Variants in EHD3 observed in about 807,000 individuals in gnomAD.
EHD3 encodes the protein EH domain containing 3.
Under a neutral mutation model 43.0 loss-of-function variants are expected in EHD3, and 17 were observed. The observed-to-expected ratio is 0.40, with a 90% CI of 0.27 to 0.59. The LOEUF (loss-of-function observed/expected upper bound fraction) is 0.59. Among genes scored for constraint, EHD3 ranks in the 20% least tolerant of loss-of-function variants. The pLI is 0.49. For synonymous variants in EHD3, 313 were observed against 289.5 expected (o/e 1.08, Z -0.82); for missense variants, 594 against 705.6 (o/e 0.84, Z 1.79).
At chr2:31,245,595 C>G (rs1409869635) in intron 2 of EHD3, among the ~76,000 whole-genome samples, 1 of 121,952 alleles carries the variant, frequency 8.2e-6, no homozygotes, top group Non-Finnish European at 1.6e-5. Flanking sequence ...GAGTTTCACT[C>G]TTGTTGCCCA....
In EHD3 at chr2:31,266,514, G is replaced by A. The variant is rs200504962; in HGVS notation, c.1418G>A (p.Arg473His). 4.6e-5 allele frequency: 75 copies of A among 1,614,000 alleles called. No homozygotes were observed. Among genetic ancestry groups the A allele is most frequent in the Non-Finnish European group, 5.2e-5 (61 of 1,180,038 alleles). The change falls in exon 6 of 6, where the codon CGC (arginine) becomes CAC (histidine). Residue 473 changes from arginine to histidine, a missense_variant. By Grantham distance (29) the Arg-to-His change is conservative (BLOSUM62 0). This residue lies in a region of EHD3 where 322 missense variants were observed against 348.0 expected (regional missense o/e 0.93). Coordinates refer to ENST00000322054, the MANE Select transcript of EHD3 (RefSeq NM_014600.3). This position sits in a 1 kb window ranked among gnomAD's most constrained non-coding sequence, Gnocchi z 5.1. Reference sequence around the variant, plus strand: ...GCTAATGCCAAGAAGGAGATGGTGCGCTCCAAGCTGCCCAACAGTGTGCTG... The same window carrying A: ...GCTAATGCCAAGAAGGAGATGGTGCACTCCAAGCTGCCCAACAGTGTGCTG... The part of the protein sequence containing the change: ...TGANAKKEMV[R>H]SKLPNSVLGK...
At chr2:31,234,983 G>C in intron 1 of EHD3, 135 bp downstream of exon 1, 1 of 837,592 alleles carries the variant, frequency 1.2e-6, no homozygotes, top group Non-Finnish European at 1.8e-6. Context: ...ATCTGTGTTT[G>C]TGCAGGCGTC....
chr2:31,249,312 A>G (rs1303284026), intron 2 of EHD3, 59 bp from the exon 3 acceptor site: 3 of 1,495,428 alleles, frequency 2.0e-6, no homozygotes, highest in Non-Finnish European at 2.8e-6. Context: ...GGTTGGAGTC[A>G]TGCGGCTAGG....
chr2:31,264,507 ATAAAT>A, intron 5 of EHD3, among the ~76,000 whole-genome samples: 1 of 150,022 alleles, frequency 6.7e-6, no homozygotes, highest in East Asian at 2.0e-4. Flanking sequence ...TTCTTCAATA[ATAAAT>A]TAACATTTCT....
Position 31,260,460 on chromosome 2 carries a change from C to T in EHD3, c.503-50C>T, listed in dbSNP as rs1225235573. Reference sequence around the variant, plus strand: ...CACACCCGACTGCTTCTCCAAACCCCTACCCTATACCCCAAAGGCCCCAGC... The same window carrying T: ...CACACCCGACTGCTTCTCCAAACCCTTACCCTATACCCCAAAGGCCCCAGC... On this transcript the variant is annotated intron_variant, in intron 3 of 5. Coordinates refer to ENST00000322054, the MANE Select transcript of EHD3 (RefSeq NM_014600.3). This position sits in a 1 kb window ranked among gnomAD's most constrained non-coding sequence, Gnocchi z 4.6. 1 of 1,540,418 alleles carries T rather than the reference C, an allele frequency of 6.5e-7. No homozygotes were observed. Among genetic ancestry groups the T allele is most frequent in the African/African-American group, 1.4e-5 (1 of 73,044 alleles).
rs585440 is a variant in EHD3 at position 31,257,264 on chromosome 2, A to T, written c.503-3246A>T. Among the ~76,000 whole-genome samples, 5 of 152,164 alleles carry T rather than the reference A, an allele frequency of 3.3e-5. No homozygotes were observed. In the Middle Eastern group the frequency reaches 0.017, roughly 521 times the overall value. Reference sequence around the variant, plus strand: ...GGGACTGCCTTTGGGAGGTGACAGCAGCCTTGCCATGCGCTGTGCTGAAGG... The same window carrying T: ...GGGACTGCCTTTGGGAGGTGACAGCTGCCTTGCCATGCGCTGTGCTGAAGG... On this transcript the variant is annotated intron_variant, in intron 3 of 5. Transcript: ENST00000322054.
Position 31,260,862 on chromosome 2 carries a change from G to T in EHD3, c.855G>T (p.Leu285=). 6.2e-7 allele frequency: 1 copy of T among 1,614,066 alleles called. No individual in the cohort carries two copies. Among genetic ancestry groups the T allele is most frequent in the Non-Finnish European group, 8.5e-7 (1 of 1,179,986 alleles). ...ACCTATTCAGGGACATCCAGAGTCT[G>T]CCCCGAAATGCTGCCCTGCGCAAGC... ...EQDLFRDIQS[L]PRNAALRKLN... The change falls in exon 4 of 6, where the codon CTG becomes CTT. Residue 285 remains leucine (L), a synonymous_variant. Transcript: ENST00000322054. This position sits in a 1 kb window ranked among gnomAD's most constrained non-coding sequence, Gnocchi z 4.6.
chr2:31,238,351 C>T (rs1004811678), intron 1 of EHD3, among the ~76,000 whole-genome samples: 1 of 152,234 alleles, frequency 6.6e-6, no homozygotes, highest in Non-Finnish European at 1.5e-5. Flanking sequence ...CAGTTCTTGG[C>T]GTTTTGCCCC....
rs1431299007 is a variant in EHD3 at position 31,268,177 on chromosome 2, T to C, written c.*1473T>C. The C allele has an allele frequency of 1.3e-5, 2 of 152,664 alleles. No homozygotes were observed. The highest frequency in any genetic ancestry group is 6.5e-5 in the Admixed American group (1 of 15,276). The allele number at this position is 152,664 out of a possible 1,614,324, so 9.5% of individuals were successfully genotyped here. ...CCCCACTGTACTCAATGCCCTACAT[T>C]CTCTTCTGTGGTCTCTCCCCTGGCT... On this transcript the variant is annotated 3_prime_UTR_variant, in exon 6 of 6. Coordinates refer to ENST00000322054, the MANE Select transcript of EHD3 (RefSeq NM_014600.3).
At position 31,267,512 on chromosome 2, in the gene EHD3, A is replaced by G. The variant is rs781180631; in HGVS notation, c.*808A>G. On this transcript the variant is annotated 3_prime_UTR_variant, in exon 6 of 6. Transcript: ENST00000322054. ...CACATTTACCCAGCCCCTCCTGCGT[A>G]CCAGGAGCTGTGTTAGGCACTTTAT... 3 of 152,618 alleles carry G rather than the reference A, an allele frequency of 2.0e-5. No homozygotes were observed. The highest frequency in any genetic ancestry group is 2.9e-5 in the Non-Finnish European group (2 of 68,044). The allele number at this position is 152,618 out of a possible 1,614,324, so 9.5% of individuals were successfully genotyped here.
Position 31,266,761 on chromosome 2 carries a change from TACACACACACAC to T in EHD3, c.*79_*90del, listed in dbSNP as rs67643147. The T allele has an allele frequency of 8.6e-5, 101 of 1,179,224 alleles. No individual in the cohort carries two copies. The highest frequency in any genetic ancestry group is 1.8e-4 in the African/African-American group (11 of 61,514). The allele number at this position is 1,179,224 out of a possible 1,614,324, so 73.0% of individuals were successfully genotyped here. A position where few individuals can be genotyped will look rare whatever the true frequency, so the allele number is the denominator to read the frequency against. On this transcript the variant is annotated 3_prime_UTR_variant, in exon 6 of 6. Transcript: ENST00000322054. This position sits in a 1 kb window ranked among gnomAD's most constrained non-coding sequence, Gnocchi z 5.1. ...TAGAGGAGGAGATGGGAGCGGTGAC[TACACACACACAC>T]ACACACACACACACACACACAAACA...
In EHD3 at chr2:31,234,588, T is replaced by C. The variant is rs539844615; in HGVS notation, c.-34T>C. 1.7e-5 allele frequency: 28 copies of C among 1,608,710 alleles called. No homozygotes were observed. The East Asian group carries it at 5.6e-4, about 32-fold the overall frequency. On this transcript the variant is annotated 5_prime_UTR_variant, in exon 1 of 6. Coordinates refer to ENST00000322054, the MANE Select transcript of EHD3 (RefSeq NM_014600.3). Reference sequence around the variant, plus strand: ...CTTCCCCTGAGGAGGAGTCTTCCCCTGGGGCTGCGTGCCGGGGGCGAGCGG... The same window carrying C: ...CTTCCCCTGAGGAGGAGTCTTCCCCCGGGGCTGCGTGCCGGGGGCGAGCGG...
chr2:31,266,150 C>A lies in EHD3; in HGVS notation c.1081-27C>A, dbSNP rs1455337340. 6.3e-7 allele frequency: 1 copy of A among 1,589,112 alleles called. No homozygotes were observed. The highest frequency in any genetic ancestry group is 1.7e-5 in the Admixed American group (1 of 58,466). Reference sequence around the variant, plus strand: ...GGGCTCTCCTTTCATCGTATCCTATCTTCATCCTCTCTCCTCCTCTTCCCA... The same window carrying A: ...GGGCTCTCCTTTCATCGTATCCTATATTCATCCTCTCTCCTCCTCTTCCCA... On this transcript the variant is annotated intron_variant, in intron 5 of 5. Coordinates refer to ENST00000322054, the MANE Select transcript of EHD3 (RefSeq NM_014600.3). This position sits in a 1 kb window ranked among gnomAD's most constrained non-coding sequence, Gnocchi z 5.1.
Position 31,234,546 on chromosome 2 carries a change from C to A in EHD3, c.-76C>A. 6.5e-7 allele frequency: 1 copy of A among 1,529,980 alleles called. No individual in the cohort carries two copies. Among genetic ancestry groups the A allele is most frequent in the Non-Finnish European group, 8.9e-7 (1 of 1,124,306 alleles). 94.8% of individuals were successfully genotyped at this position (1,529,980 alleles called of 1,614,324 possible). On this transcript the variant is annotated 5_prime_UTR_variant, in exon 1 of 6. Coordinates refer to ENST00000322054, the MANE Select transcript of EHD3 (RefSeq NM_014600.3). ...GCGGCGCGGCTCGGAGCCCGGCGGA[C>A]CGGTCCTACGGGACATCTTCCCCTG...
chr2:31,249,504 T>C (rs756898315), intron 3 of EHD3, 36 bp downstream of exon 3: 2 of 1,596,552 alleles, frequency 1.3e-6, no homozygotes, highest in African/African-American at 2.7e-5. Context: ...GGCTGTGGGC[T>C]CCATGGTTCT....
intron 5 of EHD3, among the ~76,000 whole-genome samples, chr2:31,263,819 G>C (rs973757641): frequency 1.3e-5 from 2 of 152,244 alleles, no homozygotes; most frequent in African/African-American, 4.8e-5. Context: ...GGTGGCCAGA[G>C]CCAGGGTAGG....
chr2:31,238,496 G>T (rs939660087), intron 1 of EHD3, among the ~76,000 whole-genome samples: 1 of 152,148 alleles, frequency 6.6e-6, no homozygotes, highest in South Asian at 2.1e-4. Flanking sequence ...TAACTTCCCC[G>T]GCCTAAGGCC....
In EHD3 at chr2:31,260,593, A is replaced by T; in HGVS notation, c.586A>T (p.Ile196Phe). 1 of 1,614,168 alleles carries T rather than the reference A, an allele frequency of 6.2e-7. No homozygotes were observed. The change falls in exon 4 of 6, where the codon ATC becomes TTC. Residue 196 changes from isoleucine (I) to phenylalanine (F), a missense_variant. Ile to Phe is a conservative substitution (Grantham distance 21, BLOSUM62 0). Coordinates refer to ENST00000322054, the MANE Select transcript of EHD3 (RefSeq NM_014600.3). This position sits in a 1 kb window ranked among gnomAD's most constrained non-coding sequence, Gnocchi z 4.6. ...GCTCTTCGATGCCCACAAACTGGACATCTCTGATGAGTTCTCAGAAGTCAT... is the reference window on the plus strand; with the variant it reads ...GCTCTTCGATGCCCACAAACTGGACTTCTCTGATGAGTTCTCAGAAGTCAT... ...ILLFDAHKLD[I>F]SDEFSEVIKA...
intron 3 of EHD3, among the ~76,000 whole-genome samples, chr2:31,256,168 G>A (rs925401741): frequency 1.1e-4 from 17 of 152,182 alleles, no homozygotes; most frequent in African/African-American, 4.1e-4. Flanking sequence ...ACTCACCCAG[G>A]CCAGTGCTCC....
Sources: gnomAD v4.1 joint callset for allele counts (sites outside exome capture counted in the v4.1 genomes callset) on GRCh38, gnomAD v4.1.1 for gene constraint, gnomAD v4.1.1 regional missense constraint, Gnocchi (gnomAD v3.1) non-coding constraint, MANE v1.5 for transcripts, NCBI Gene and HGNC (gene_info 2026-07-23, HGNC 2026-07-21) for gene names.